The following ARL3 variants were observed in gnomAD, a reference collection of about 807,000 sequenced individuals.
The protein encoded by ARL3 is ADP-ribosylation factor-like protein 3.
In ARL3, 9 loss-of-function variants were observed where a neutral mutation model predicts 26.0. The observed-to-expected ratio is 0.35, with a 90% CI of 0.21 to 0.60. The LOEUF (loss-of-function observed/expected upper bound fraction) is 0.60. ARL3 is among the 20% of genes least tolerant of loss of function. The pLI is 0.78. For missense variants in ARL3, 158 were observed against 215.7 expected (o/e 0.73, Z 1.67); for synonymous variants, 71 against 78.4 (o/e 0.91, Z 0.50).
chr10:102,693,987 AT>A (rs1302568330), intron 3 of ARL3, among the ~76,000 whole-genome samples: 11 of 151,280 alleles, frequency 7.3e-5, no homozygotes, highest in Non-Finnish European at 1.6e-4. Flanking sequence ...CAGAAGTTTT[AT>A]TTTTATTTAT....
intron 3 of ARL3, among the ~76,000 whole-genome samples, chr10:102,694,056 C>T (rs1404748719): frequency 6.6e-6 from 1 of 151,624 alleles, no homozygotes; most frequent in Non-Finnish European, 1.5e-5. Context: ...GGTGTGATCT[C>T]GGCTCACTGC....
At chr10:102,700,998 A>G (rs2064277315) in intron 2 of ARL3, among the ~76,000 whole-genome samples, 1 of 152,034 alleles carries the variant, frequency 6.6e-6, no homozygotes, top group Non-Finnish European at 1.5e-5. Context: ...CAGCCTCCCA[A>G]AGTGCTGGGA....
intron 2 of ARL3, among the ~76,000 whole-genome samples, chr10:102,703,828 A>G (rs1456090103): frequency 6.6e-6 from 1 of 151,388 alleles, no homozygotes; most frequent in African/African-American, 2.4e-5. Flanking sequence ...TTCAGGAAAG[A>G]GGAAGGTTGA....
intron 1 of ARL3, among the ~76,000 whole-genome samples, chr10:102,712,816 AAACTTT>A (rs67160988): frequency 0.14 from 20,855 of 152,056 alleles, 1,780 homozygotes; most frequent in East Asian, 0.42. Context: ...TTGTTGAGAA[AAACTTT>A]AACTTTAAAA....
intron 2 of ARL3, among the ~76,000 whole-genome samples, chr10:102,701,353 T>C (rs1314656251): frequency 6.6e-6 from 1 of 152,164 alleles, no homozygotes; most frequent in Non-Finnish European, 1.5e-5. Flanking sequence ...TGGTAGCCTG[T>C]CAACACTGCT....
rs950375209 is a variant in ARL3 at position 102,675,245 on chromosome 10, C to T, written c.*1649G>A. The T allele has an allele frequency of 5.9e-5, 9 of 152,298 alleles. No homozygotes were observed. Among genetic ancestry groups the T allele is most frequent in the African/African-American group, 1.9e-4 (8 of 41,458 alleles). 9.4% of individuals were successfully genotyped at this position (152,298 alleles called of 1,614,324 possible). ...TTTTGCAAGTCCTTACAGGTCTGTCCACAGCAACTCTGGGGCACCTTTTCA... is the reference window on the plus strand; with the variant it reads ...TTTTGCAAGTCCTTACAGGTCTGTCTACAGCAACTCTGGGGCACCTTTTCA... On this transcript the variant is annotated 3_prime_UTR_variant, in exon 6 of 6. Transcript: ENST00000260746.
chr10:102,683,198 G>A (rs867120440), intron 5 of ARL3, among the ~76,000 whole-genome samples: 5 of 152,116 alleles, frequency 3.3e-5, no homozygotes, highest in South Asian at 2.1e-4. Context: ...GGAGGTACAC[G>A]GTCAACCAGT....
chr10:102,708,904 A>G lies in ARL3; in HGVS notation c.4-3415T>C, dbSNP rs1394759559. Among the ~76,000 whole-genome samples, 4 of 109,066 alleles carry G rather than the reference A, an allele frequency of 3.7e-5. No homozygotes were observed. In the East Asian group the frequency reaches 9.8e-4, roughly 27 times the overall value. The allele number at this position is 109,066 out of a possible 152,430, so 71.6% of individuals were successfully genotyped here. On this transcript the variant is annotated intron_variant, in intron 1 of 5. Transcript: ENST00000260746. ...CCATATATTATATATATATATATAT[A>G]TATATTTTTTTTTTTTTTGAGACAA...
intron 4 of ARL3, among the ~76,000 whole-genome samples, chr10:102,686,347 C>T (rs543297446): frequency 1.3e-5 from 2 of 150,846 alleles, no homozygotes; most frequent in African/African-American, 2.4e-5. Flanking sequence ...GCTGGGATTA[C>T]AGGCGTGAGC....
At chr10:102,714,181 C>T in intron 1 of ARL3, 92 bp downstream of exon 1, 1 of 1,289,234 alleles carries the variant, frequency 7.8e-7, no homozygotes, top group Non-Finnish European at 1.0e-6. Context: ...CCCATTCCCT[C>T]CTTGGCTTTA....
intron 3 of ARL3, among the ~76,000 whole-genome samples, chr10:102,690,733 A>G (rs755553905): frequency 6.6e-6 from 1 of 152,196 alleles, no homozygotes; most frequent in Non-Finnish European, 1.5e-5. Context: ...AGAGAAATGG[A>G]AGATACCCTA....
intron 5 of ARL3, among the ~76,000 whole-genome samples, chr10:102,678,247 G>T (rs2064139947): frequency 6.6e-6 from 1 of 152,162 alleles, no homozygotes; most frequent in Admixed American, 6.5e-5. Flanking sequence ...CAGGGGGAAG[G>T]GCAGAGGAAT....
In ARL3 at chr10:102,705,765, C is replaced by A. The variant is rs1005687719; in HGVS notation, c.4-276G>T. 2.0e-5 allele frequency among the ~76,000 whole-genome samples: 3 copies of A among 152,158 alleles called. No individual in the cohort carries two copies. The East Asian group carries it at 5.8e-4, about 29-fold the overall frequency. On this transcript the variant is annotated intron_variant, in intron 1 of 5. Coordinates refer to ENST00000260746, the MANE Select transcript of ARL3 (RefSeq NM_004311.4). ...ACCCCAAATCTCCTGGGAGTGTGAA[C>A]TCTACCCCATCTGTGTTCCTAAAGC...
intron 3 of ARL3, among the ~76,000 whole-genome samples, chr10:102,698,203 T>C (rs1163713942): frequency 6.6e-6 from 1 of 152,010 alleles, no homozygotes; most frequent in Non-Finnish European, 1.5e-5. Flanking sequence ...ATGATTTCTT[T>C]TTTTTTTTCT....
At position 102,673,917 on chromosome 10, in the gene ARL3, AAAGG is replaced by A. The variant is rs1310201986; in HGVS notation, c.*2973_*2976del. 2 of 152,586 alleles carry A rather than the reference AAAGG, an allele frequency of 1.3e-5. No homozygotes were observed. The highest frequency in any genetic ancestry group is 6.5e-5 in the Admixed American group (1 of 15,276). The allele number at this position is 152,586 out of a possible 1,614,324, so 9.5% of individuals were successfully genotyped here. A position where few individuals can be genotyped will look rare whatever the true frequency, so the allele number is the denominator to read the frequency against. ...CACATGGAGTGCAGAGCTAAAAATA[AAAGG>A]AAGTAAGAACTGGTCCCCGAGAAGG... On this transcript the variant is annotated 3_prime_UTR_variant, in exon 6 of 6. Coordinates refer to ENST00000260746, the MANE Select transcript of ARL3 (RefSeq NM_004311.4).
rs1317955155 is a variant in ARL3 at position 102,700,789 on chromosome 10, T to TG, written c.148-1301_148-1300insC. On this transcript the variant is annotated intron_variant, in intron 2 of 5. Transcript: ENST00000260746. ...GGAAGTCTTTTTTTTTTTTTTTTTT[T>TG]TGCAGAGTTGTGCTCTCGGCTCACC... Among the ~76,000 whole-genome samples, 16 of 135,458 alleles carry TG rather than the reference T, an allele frequency of 1.2e-4. 1 individual carries two copies. Among genetic ancestry groups the TG allele is most frequent in the African/African-American group, 3.2e-4 (12 of 37,206 alleles). The allele number at this position is 135,458 out of a possible 152,430, so 88.9% of individuals were successfully genotyped here.
At chr10:102,705,021 C>T (rs1196240571) in intron 2 of ARL3, among the ~76,000 whole-genome samples, 1 of 152,130 alleles carries the variant, frequency 6.6e-6, no homozygotes, top group African/African-American at 2.4e-5. Flanking sequence ...TAAATACATT[C>T]ACACTGTGGG....
chr10:102,710,691 C>A (rs1180777689), intron 1 of ARL3, among the ~76,000 whole-genome samples: 2 of 152,140 alleles, frequency 1.3e-5, no homozygotes, highest in Non-Finnish European at 2.9e-5. Context: ...ATTTAAGAAA[C>A]ATGAACTTCA....
At chr10:102,678,220 A>T (rs939872254) in intron 5 of ARL3, among the ~76,000 whole-genome samples, 8 of 152,170 alleles carry the variant, frequency 5.3e-5, no homozygotes, top group African/African-American at 1.7e-4. Context: ...CCGAAGGTGG[A>T]CAGCACCTGG....
Sources: allele counts gnomAD v4.1 joint callset (sites outside exome capture counted in the v4.1 genomes callset), GRCh38; gene constraint gnomAD v4.1.1; transcripts MANE v1.5; gene names NCBI Gene and HGNC (gene_info 2026-07-23, HGNC 2026-07-21).